ADAM12: variants seen among roughly 807,000 people sequenced by gnomAD.
ADAM12 encodes the protein ADAM metallopeptidase domain 12.
Under a neutral mutation model 106.4 loss-of-function variants are expected in ADAM12, and 70 were observed. That is an observed-to-expected ratio of 0.66 (90% CI 0.54 to 0.80). The LOEUF (loss-of-function observed/expected upper bound fraction) is 0.80, where lower values mean the gene tolerates loss of function less well. Among genes scored for constraint, ADAM12 ranks in the 30% least tolerant of loss-of-function variants. ADAM12 has a pLI of 0.00. For missense variants in ADAM12, 1,010 were observed against 1,171.9 expected (o/e 0.86, Z 2.02); for synonymous variants, 420 against 433.5 (o/e 0.97, Z 0.39).
chr10:126,202,499 TTC>T lies in ADAM12; in HGVS notation c.261-47196_261-47195del, dbSNP rs139026512. The stretch of plus-strand genomic sequence containing the variant: ...GAAAAACCCCAAAATGCTCTACTAC[TTC>T]TCTCTCTCTCTCTCTCTCTCTTTAA... On this transcript the variant is annotated intron_variant, in intron 3 of 22. Transcript: ENST00000448723. Among the ~76,000 whole-genome samples the T allele has an allele frequency of 9.7e-3, 1,437 of 148,114 alleles. 31 individuals carry two copies. Among genetic ancestry groups the T allele is most frequent in the East Asian group, 0.073 (374 of 5,100 alleles).
intron 5 of ADAM12, among the ~76,000 whole-genome samples, chr10:126,121,750 C>T (rs1490048813): frequency 6.6e-6 from 1 of 151,906 alleles, no homozygotes; most frequent in African/African-American, 2.4e-5. Flanking sequence ...CATTCATCAT[C>T]CTATGCTCAT....
chr10:126,343,351 T>C (rs971334260), intron 1 of ADAM12, among the ~76,000 whole-genome samples: 1 of 152,128 alleles, frequency 6.6e-6, no homozygotes, highest in East Asian at 1.9e-4. Context: ...CTACAAAGGA[T>C]ATCAACTCAT....
chr10:126,264,786 C>G (rs1406309593), intron 3 of ADAM12, among the ~76,000 whole-genome samples: 1 of 152,100 alleles, frequency 6.6e-6, no homozygotes, highest in East Asian at 1.9e-4. Flanking sequence ...CTCCAAGGGA[C>G]AGGCTATGTC....
chr10:126,106,071 G>T (rs1365141436), intron 8 of ADAM12, among the ~76,000 whole-genome samples: 1 of 152,092 alleles, frequency 6.6e-6, no homozygotes, highest in African/African-American at 2.4e-5. Flanking sequence ...CCTTTCCTGG[G>T]GTATGAAGCA....
intron 1 of ADAM12, among the ~76,000 whole-genome samples, chr10:126,375,940 T>C (rs1050316911): frequency 1.3e-5 from 2 of 151,502 alleles, no homozygotes; most frequent in Non-Finnish European, 2.9e-5. Context: ...GGGGTGTCCT[T>C]ATGTTGCTCA....
intron 3 of ADAM12, among the ~76,000 whole-genome samples, chr10:126,177,345 C>G (rs1245894678): frequency 6.6e-6 from 1 of 151,810 alleles, no homozygotes; most frequent in Non-Finnish European, 1.5e-5. Flanking sequence ...ATGACGGCCA[C>G]CGTTTATGGA....
intron 21 of ADAM12, among the ~76,000 whole-genome samples, chr10:126,025,973 A>G (rs1309922411): frequency 6.6e-6 from 1 of 152,216 alleles, no homozygotes; most frequent in African/African-American, 2.4e-5. Context: ...TGGAAACCCA[A>G]TAAGCTAGAA....
intron 22 of ADAM12, among the ~76,000 whole-genome samples, chr10:126,018,344 G>T (rs1228116524): frequency 6.6e-6 from 1 of 152,202 alleles, no homozygotes; most frequent in Non-Finnish European, 1.5e-5. Flanking sequence ...ACAGCCCATG[G>T]GGTTGGGGGC....
At chr10:126,157,464 T>C (rs1396907654) in intron 3 of ADAM12, among the ~76,000 whole-genome samples, 2 of 152,252 alleles carry the variant, frequency 1.3e-5, no homozygotes, top group African/African-American at 2.4e-5. Flanking sequence ...TTCTTAGACC[T>C]GCTCCCAGCC....
intron 2 of ADAM12, among the ~76,000 whole-genome samples, chr10:126,297,549 C>T (rs1488757688): frequency 1.3e-5 from 2 of 152,108 alleles, no homozygotes; most frequent in Non-Finnish European, 2.9e-5. Flanking sequence ...GGCCCTGTCT[C>T]AGGAATGAAA....
chr10:126,340,099 C>T (rs557127480), intron 1 of ADAM12, among the ~76,000 whole-genome samples: 1 of 152,190 alleles, frequency 6.6e-6, no homozygotes, highest in East Asian at 1.9e-4. Flanking sequence ...GTGATCCACC[C>T]ACCTTGGCTT....
At chr10:126,031,247 A>G (rs910806613) in intron 21 of ADAM12, among the ~76,000 whole-genome samples, 1 of 152,236 alleles carries the variant, frequency 6.6e-6, no homozygotes, top group African/African-American at 2.4e-5. Flanking sequence ...CTTCAGGAGA[A>G]CATACTAACA....
chr10:126,206,060 T>C (rs2133827935), intron 3 of ADAM12, among the ~76,000 whole-genome samples: 1 of 152,300 alleles, frequency 6.6e-6, no homozygotes, highest in East Asian at 1.9e-4. Flanking sequence ...GTCCAATTTT[T>C]TTTCTAGCAC....
chr10:126,204,971 G>C (rs2133826174), intron 3 of ADAM12, among the ~76,000 whole-genome samples: 1 of 152,290 alleles, frequency 6.6e-6, no homozygotes, highest in South Asian at 2.1e-4. Flanking sequence ...CAGGTTCTTG[G>C]CCAGGGTGGA....
At chr10:126,065,391 A>T (rs989792133) in intron 13 of ADAM12, among the ~76,000 whole-genome samples, 1 of 152,210 alleles carries the variant, frequency 6.6e-6, no homozygotes, top group African/African-American at 2.4e-5. Context: ...TTTCAAGGGG[A>T]CATTTGCATT....
At chr10:126,199,613 G>A (rs537826165) in intron 3 of ADAM12, among the ~76,000 whole-genome samples, 2 of 152,236 alleles carry the variant, frequency 1.3e-5, no homozygotes, top group South Asian at 4.1e-4. Flanking sequence ...GTCTCGGACC[G>A]TCTTACACAT....
chr10:126,223,294 A>G (rs2133855983), intron 3 of ADAM12, among the ~76,000 whole-genome samples: 1 of 152,294 alleles, frequency 6.6e-6, no homozygotes, highest in Admixed American at 6.5e-5. Flanking sequence ...TCAAAGAAGT[A>G]TTTCTCATAT....
At chr10:126,308,743 T>C (rs892251330) in intron 2 of ADAM12, among the ~76,000 whole-genome samples, 1 of 152,194 alleles carries the variant, frequency 6.6e-6, no homozygotes, top group Non-Finnish European at 1.5e-5. Context: ...TACTTTGTGG[T>C]AGAAGAAAAC....
chr10:126,033,154 T>G (rs1282006415), intron 21 of ADAM12, among the ~76,000 whole-genome samples: 1 of 152,172 alleles, frequency 6.6e-6, no homozygotes, highest in Admixed American at 6.5e-5. Flanking sequence ...GGCTCATAAC[T>G]GCCAGTTCCC....
Sources: allele counts gnomAD v4.1 joint callset (sites outside exome capture counted in the v4.1 genomes callset), GRCh38; gene constraint gnomAD v4.1.1; transcripts MANE v1.5; gene names NCBI Gene and HGNC (gene_info 2026-07-23, HGNC 2026-07-21).